The following SLC14A2 variants were observed in gnomAD, a reference collection of about 807,000 sequenced individuals.
The protein encoded by SLC14A2 is urea transporter 2.
In SLC14A2, 91 loss-of-function variants were observed where a neutral mutation model predicts 104.6. That is an observed-to-expected ratio of 0.87 (90% CI 0.73 to 1.04). The LOEUF is 1.04. Ranked by LOEUF, SLC14A2 falls within the 50% of genes least tolerant of loss-of-function variation. The pLI is 0.00. For synonymous variants in SLC14A2, 476 were observed against 466.4 expected (o/e 1.02, Z -0.27); for missense variants, 1,189 against 1,156.0 (o/e 1.03, Z -0.41).
chr18:45,201,280 T>C, the SLC14A2 span, among the ~76,000 whole-genome samples: 1 of 152,130 alleles, frequency 6.6e-6, no homozygotes, highest in South Asian at 2.1e-4. Context: ...AAAGTAGTCA[T>C]TTTAGCCAGC....
chr18:45,576,347 G>A (rs932730852), intron 2 of SLC14A2, among the ~76,000 whole-genome samples: 6 of 144,608 alleles, frequency 4.1e-5, no homozygotes, highest in East Asian at 2.1e-4. Context: ...ACAATGGCGC[G>A]ATCTCGGCTC....
At chr18:45,664,283 G>A (rs1460126198) in intron 11 of SLC14A2, among the ~76,000 whole-genome samples, 1 of 152,196 alleles carries the variant, frequency 6.6e-6, no homozygotes, top group East Asian at 1.9e-4. Context: ...TGGTCTAGGA[G>A]GCTAGAGATG....
intron 2 of SLC14A2, among the ~76,000 whole-genome samples, chr18:45,490,916 T>C (rs1454857366): frequency 6.6e-6 from 1 of 152,024 alleles, no homozygotes; most frequent in Non-Finnish European, 1.5e-5. Flanking sequence ...AAAAAGCAAA[T>C]AGATAGCATT....
chr18:45,673,932 C>A (rs2046184701), intron 18 of SLC14A2, 115 bp downstream of exon 18: 1 of 1,073,316 alleles, frequency 9.3e-7, no homozygotes, highest in Non-Finnish European at 1.3e-6. Context: ...ACTATTTTCA[C>A]TGAATACTCA....
chr18:45,668,455 GTCA>G lies in SLC14A2; in HGVS notation c.2022_2024del (p.Ile674del), dbSNP rs751293802. 6.2e-7 allele frequency: 1 copy of G among 1,614,138 alleles called. No homozygotes were observed. Among genetic ancestry groups the G allele is most frequent in the South Asian group, 1.1e-5 (1 of 91,080 alleles). On this transcript the variant is annotated inframe_deletion, in exon 15 of 20. Coordinates refer to ENST00000255226, the MANE Select transcript of SLC14A2 (RefSeq NM_007163.4). Reference sequence around the variant, plus strand: ...CTACTACTGGTGGCTGTTGCTACCCGTCATCATCATGTCCATGTCTTGGTAAGT... The same window carrying G: ...CTACTACTGGTGGCTGTTGCTACCCGTCATCATGTCCATGTCTTGGTAAGT...
At chr18:45,593,961 A>T (rs1329991913) in intron 2 of SLC14A2, among the ~76,000 whole-genome samples, 2 of 152,172 alleles carry the variant, frequency 1.3e-5, no homozygotes, top group African/African-American at 4.8e-5. Context: ...CTTCAGTAAA[A>T]ATTTCTGTAA....
intron 1 of SLC14A2, among the ~76,000 whole-genome samples, chr18:45,453,519 G>T (rs928110589): frequency 7.2e-5 from 11 of 152,272 alleles, no homozygotes; most frequent in African/African-American, 2.6e-4. Flanking sequence ...CCAGATTGGA[G>T]CCCATAGCAA....
chr18:45,259,011 A>T (rs2084508227), intron 1 of SLC14A2, among the ~76,000 whole-genome samples: 1 of 152,202 alleles, frequency 6.6e-6, no homozygotes, highest in Non-Finnish European at 1.5e-5. Flanking sequence ...TCATATGCTG[A>T]CACTGGCACA....
the SLC14A2 span, among the ~76,000 whole-genome samples, chr18:45,201,551 AGT>A: frequency 0.15 from 22,082 of 149,492 alleles, 1,707 homozygotes; most frequent in Middle Eastern, 0.22. Flanking sequence ...GTATGTGTGT[AGT>A]GTGTGTGTGT....
At chr18:45,444,007 G>A (rs1278105342) in intron 1 of SLC14A2, among the ~76,000 whole-genome samples, 1 of 152,118 alleles carries the variant, frequency 6.6e-6, no homozygotes, top group East Asian at 1.9e-4. Context: ...TGGGTCCCTG[G>A]AAAAAGTAAA....
chr18:45,595,907 A>T (rs1018267240), intron 2 of SLC14A2, among the ~76,000 whole-genome samples: 1 of 152,166 alleles, frequency 6.6e-6, no homozygotes, highest in Non-Finnish European at 1.5e-5. Flanking sequence ...TTCATTGAGG[A>T]GGGTCCCCCT....
intron 2 of SLC14A2, among the ~76,000 whole-genome samples, chr18:45,543,856 T>C (rs989820867): frequency 6.6e-6 from 1 of 152,206 alleles, no homozygotes; most frequent in African/African-American, 2.4e-5. Context: ...GTGCCTAAAC[T>C]GTACAAACCA....
chr18:45,681,684 C>T lies in SLC14A2; in HGVS notation c.2563-635C>T, dbSNP rs566848063. On this transcript the variant is annotated intron_variant, in intron 19 of 19. Coordinates refer to ENST00000255226, the MANE Select transcript of SLC14A2 (RefSeq NM_007163.4). ...GCTCACTTTCCCTGTGTCTCTCTGA[C>T]GGGTTACTTCTACTGCACACATCCC... Among the ~76,000 whole-genome samples, 37 of 152,316 alleles carry T rather than the reference C, an allele frequency of 2.4e-4. 1 individual carries two copies. In the South Asian group the frequency reaches 6.2e-3, roughly 26 times the overall value.
chr18:45,419,769 A>G lies in SLC14A2; in HGVS notation c.-124-63464A>G, dbSNP rs943824331. 1.7e-3 allele frequency among the ~76,000 whole-genome samples: 27 copies of G among 15,674 alleles called. No homozygotes were observed. In the East Asian group the frequency reaches 0.049, roughly 28 times the overall value. 10.3% of individuals were successfully genotyped at this position (15,674 alleles called of 152,430 possible). On this transcript the variant is annotated intron_variant, in intron 1 of 20. Transcript: ENST00000586448. ...AGCCTGGGCGACAGAGGAAGACTCC[A>G]ACTCAAAAAAAAAAAAAAAATCTCC...
intron 2 of SLC14A2, among the ~76,000 whole-genome samples, chr18:45,485,627 C>G (rs1167417020): frequency 6.6e-6 from 1 of 152,108 alleles, no homozygotes; most frequent in Non-Finnish European, 1.5e-5. Context: ...ATCACAAACC[C>G]TAGTAGGCAG....
At chr18:45,243,576 C>G (rs2084339212) in intron 1 of SLC14A2, among the ~76,000 whole-genome samples, 1 of 152,128 alleles carries the variant, frequency 6.6e-6, no homozygotes, top group Non-Finnish European at 1.5e-5. Context: ...TTAGCTGTTC[C>G]TTGTAGAGAG....
intron 1 of SLC14A2, among the ~76,000 whole-genome samples, chr18:45,444,769 G>T (rs990340845): frequency 1.3e-5 from 2 of 152,204 alleles, no homozygotes; most frequent in Non-Finnish European, 2.9e-5. Flanking sequence ...AGCCGCACAG[G>T]TAGGTGTGCA....
chr18:45,318,509 G>A (rs914919536), intron 1 of SLC14A2, among the ~76,000 whole-genome samples: 2 of 152,098 alleles, frequency 1.3e-5, no homozygotes, highest in African/African-American at 2.4e-5. Flanking sequence ...CCTCTTGGGT[G>A]AGGCGCGGTG....
intron 1 of SLC14A2, among the ~76,000 whole-genome samples, chr18:45,222,865 G>T (rs141446879): frequency 6.6e-6 from 1 of 152,134 alleles, no homozygotes; most frequent in Non-Finnish European, 1.5e-5. Flanking sequence ...GTGTAAGATG[G>T]TCTCTCCCTT....
Sources: gnomAD v4.1 joint callset for allele counts (sites outside exome capture counted in the v4.1 genomes callset) on GRCh38, gnomAD v4.1.1 for gene constraint, MANE v1.5 for transcripts, NCBI Gene and HGNC (gene_info 2026-07-23, HGNC 2026-07-21) for gene names.